The following PDLIM5 variants were observed in gnomAD, a reference collection of about 807,000 sequenced individuals.
PDLIM5 encodes the protein PDZ and LIM domain 5, also known as PDZ and LIM domain protein 5.
Under a neutral mutation model 64.2 loss-of-function variants are expected in PDLIM5, and 34 were observed. The ratio of observed to expected loss-of-function variants is 0.53; its 90% CI spans 0.40 to 0.71. The LOEUF (loss-of-function observed/expected upper bound fraction) is 0.71. Among genes scored for constraint, PDLIM5 ranks in the 30% least tolerant of loss-of-function variants. The pLI, the probability that PDLIM5 is intolerant of heterozygous loss-of-function variation, is 0.00. For missense variants in PDLIM5, 683 were observed against 733.6 expected (o/e 0.93, Z 0.80); for synonymous variants, 253 against 269.1 (o/e 0.94, Z 0.59).
chr4:94,469,804 A>ATAACT (rs1248514807), intron 2 of PDLIM5, among the ~76,000 whole-genome samples: 1 of 152,144 alleles, frequency 6.6e-6, no homozygotes, highest in Non-Finnish European at 1.5e-5. Context: ...GAGCAAAGGA[A>ATAACT]TAACTGTATA....
At chr4:94,610,618 CAAT>C (rs1738293045) in intron 7 of PDLIM5, among the ~76,000 whole-genome samples, 1 of 152,062 alleles carries the variant, frequency 6.6e-6, no homozygotes, top group African/African-American at 2.4e-5. Flanking sequence ...ATATTTGAAA[CAAT>C]AAAGTATTAA....
At chr4:94,486,737 C>G (rs570803580) in intron 2 of PDLIM5, among the ~76,000 whole-genome samples, 25 of 152,294 alleles carry the variant, frequency 1.6e-4, no homozygotes, top group African/African-American at 6.0e-4. Flanking sequence ...TGCAATGGCT[C>G]ATGCCTGCAA....
intron 2 of PDLIM5, among the ~76,000 whole-genome samples, chr4:94,484,142 T>G (rs1237786540): frequency 6.6e-6 from 1 of 152,202 alleles, no homozygotes; most frequent in East Asian, 1.9e-4. Flanking sequence ...CAACTCAGCA[T>G]TTTTATCTTT....
chr4:94,505,556 A>G (rs1372533140), intron 2 of PDLIM5, among the ~76,000 whole-genome samples: 7 of 152,092 alleles, frequency 4.6e-5, no homozygotes, highest in Non-Finnish European at 1.0e-4. Context: ...GCCACCACGC[A>G]TGGCTGGAAG....
intron 3 of PDLIM5, among the ~76,000 whole-genome samples, chr4:94,524,982 G>A (rs1026172148): frequency 5.3e-5 from 8 of 152,010 alleles, no homozygotes; most frequent in African/African-American, 1.9e-4. Flanking sequence ...AGCAAATCTT[G>A]TTTTTGATGG....
At chr4:94,657,672 A>G in intron 11 of PDLIM5, 125 bp downstream of exon 11, 1 of 680,546 alleles carries the variant, frequency 1.5e-6, no homozygotes, top group Non-Finnish European at 2.4e-6. Flanking sequence ...GGAAGCATTT[A>G]ATGCTGCTCT....
At chr4:94,585,486 T>C in intron 5 of PDLIM5, 79 bp from the exon 6 acceptor site, 1 of 805,966 alleles carries the variant, frequency 1.2e-6, no homozygotes, top group Non-Finnish European at 1.8e-6. Flanking sequence ...ATATAAATTA[T>C]AAATAATTTA....
In PDLIM5 at chr4:94,665,833, T is replaced by G; in HGVS notation, c.*1766T>G. On this transcript the variant is annotated 3_prime_UTR_variant, in exon 13 of 13. Transcript: ENST00000317968. The stretch of plus-strand genomic sequence containing the variant: ...TTGGAAAGCTTTTATTCACAGAGGT[T>G]GGGTAGTGTTGGGAGGGGAGTTTAA... 7.5e-7 allele frequency: 1 copy of G among 1,335,934 alleles called. No homozygotes were observed. The highest frequency in any genetic ancestry group is 2.2e-5 in the South Asian group (1 of 45,732). The allele number at this position is 1,335,934 out of a possible 1,614,324, so 82.8% of individuals were successfully genotyped here.
intron 2 of PDLIM5, among the ~76,000 whole-genome samples, chr4:94,510,411 C>T (rs1000082598): frequency 1.3e-5 from 2 of 151,928 alleles, no homozygotes; most frequent in Admixed American, 6.6e-5. Context: ...TTTTGTCTGT[C>T]TTCATGTGTT....
intron 5 of PDLIM5, chr4:94,584,905 T>C: frequency 2.2e-6 from 2 of 896,376 alleles, no homozygotes; most frequent in Non-Finnish European, 1.8e-6. Flanking sequence ...CTAGTTGTTT[T>C]CTTTTTTTCT....
At chr4:94,600,967 T>TA (rs1737438940) in intron 7 of PDLIM5, among the ~76,000 whole-genome samples, 1 of 152,170 alleles carries the variant, frequency 6.6e-6, no homozygotes, top group Non-Finnish European at 1.5e-5. Flanking sequence ...TTAATAATGA[T>TA]AAAATCCATT....
intron 8 of PDLIM5, among the ~76,000 whole-genome samples, chr4:94,627,066 A>C (rs1026056241): frequency 1.3e-5 from 2 of 152,190 alleles, no homozygotes; most frequent in African/African-American, 4.8e-5. Context: ...TTATATGAAT[A>C]AGTAAACTGC....
chr4:94,467,132 A>G (rs925630405), intron 2 of PDLIM5, among the ~76,000 whole-genome samples: 19 of 152,200 alleles, frequency 1.2e-4, no homozygotes, highest in Non-Finnish European at 2.6e-4. Flanking sequence ...AGCCTCTCTT[A>G]TCACTCAAGA....
At chr4:94,517,255 T>C (rs2510788) in intron 2 of PDLIM5, among the ~76,000 whole-genome samples, 32,884 of 152,102 alleles carry the variant, frequency 0.22, 3,813 homozygotes, top group East Asian at 0.28. Context: ...CACATTCTTA[T>C]GTAGGTGTTT....
At chr4:94,581,142 C>T (rs190440544) in intron 5 of PDLIM5, among the ~76,000 whole-genome samples, 2 of 152,180 alleles carry the variant, frequency 1.3e-5, no homozygotes, top group African/African-American at 4.8e-5. Context: ...GGAAAGTGGG[C>T]AGCACAGCCA....
At chr4:94,590,643 G>A (rs1736602589) in intron 7 of PDLIM5, among the ~76,000 whole-genome samples, 1 of 152,172 alleles carries the variant, frequency 6.6e-6, no homozygotes, top group African/African-American at 2.4e-5. Flanking sequence ...CAGCAGCTGG[G>A]AGTGGAAAAG....
intron 2 of PDLIM5, among the ~76,000 whole-genome samples, chr4:94,460,630 A>T (rs1723790768): frequency 6.6e-6 from 1 of 151,438 alleles, no homozygotes; most frequent in Admixed American, 6.6e-5. Context: ...CAAAAAAAAA[A>T]AAGAAAAAAA....
At position 94,554,912 on chromosome 4, in the gene PDLIM5, T is replaced by A. The variant is rs1733142242; in HGVS notation, c.249-18439T>A. ...CTGTTTTTCACTTTCAGTACAGTAT[T>A]CAATAAATAACATGAGATATTCAAT... On this transcript the variant is annotated intron_variant, in intron 3 of 12. Coordinates refer to ENST00000317968, the MANE Select transcript of PDLIM5 (RefSeq NM_006457.5). Among the ~76,000 whole-genome samples, 3 of 152,190 alleles carry A rather than the reference T, an allele frequency of 2.0e-5. No individual in the cohort carries two copies. The South Asian group carries it at 6.2e-4, about 32-fold the overall frequency.
chr4:94,519,593 TC>T (rs1729656172), intron 2 of PDLIM5, among the ~76,000 whole-genome samples: 3 of 152,298 alleles, frequency 2.0e-5, no homozygotes, highest in Middle Eastern at 3.4e-3. Flanking sequence ...TGTTTTCCCA[TC>T]TGTAAAACAG....
Sources: gnomAD v4.1 joint callset for allele counts (sites outside exome capture counted in the v4.1 genomes callset) on GRCh38, gnomAD v4.1.1 for gene constraint, MANE v1.5 for transcripts, NCBI Gene and HGNC (gene_info 2026-07-23, HGNC 2026-07-21) for gene names.